Variants in PCDH19 observed in about 807,000 individuals in gnomAD.
The protein encoded by PCDH19 is protocadherin-19.
Under a neutral mutation model 46.2 loss-of-function variants are expected in PCDH19, and 6 were observed. That is an observed-to-expected ratio of 0.13 (90% CI 0.07 to 0.26). PCDH19 has a LOEUF of 0.26. Ranked by LOEUF, PCDH19 falls within the 10% of genes least tolerant of loss-of-function variation. The pLI, the probability that PCDH19 is intolerant of heterozygous loss-of-function variation, is 1.00. For synonymous variants in PCDH19, 481 were observed against 415.7 expected (o/e 1.16, Z -1.91); for missense variants, 740 against 972.3 (o/e 0.76, Z 3.18).
At chrX:100,328,670 G>A (rs955549207) in intron 5 of PCDH19, among the ~76,000 whole-genome samples, 1 of 111,288 alleles carries the variant, frequency 9.0e-6, no homozygotes, top group African/African-American at 3.3e-5. Flanking sequence ...AACATCTGCC[G>A]CCTACTTCAG....
intron 3 of PCDH19, among the ~76,000 whole-genome samples, chrX:100,360,670 CT>C (rs1253430409): frequency 8.9e-6 from 1 of 112,178 alleles, no homozygotes; most frequent in African/African-American, 3.2e-5. Flanking sequence ...TTGCTTAACA[CT>C]GGCAGCCCTC....
At chrX:100,333,798 T>G (rs1223643643) in intron 5 of PCDH19, among the ~76,000 whole-genome samples, 1 of 107,004 alleles carries the variant, frequency 9.3e-6, no homozygotes, top group Non-Finnish European at 1.9e-5. Flanking sequence ...CATTTTTTTT[T>G]TTTTTTTTTA....
intron 3 of PCDH19, among the ~76,000 whole-genome samples, chrX:100,355,519 T>C (rs990806096): frequency 8.9e-6 from 1 of 111,826 alleles, no homozygotes; most frequent in Admixed American, 9.5e-5. Flanking sequence ...ATGCTTTTAC[T>C]CTACTGTGTT....
intron 5 of PCDH19, among the ~76,000 whole-genome samples, chrX:100,317,162 A>T (rs1176524551): frequency 9.0e-6 from 1 of 111,655 alleles, no homozygotes; most frequent in East Asian, 2.8e-4. Context: ...CAGGGTGTGG[A>T]CTGAAGTGGG....
At chrX:100,347,309 C>T (rs1249155617) in intron 4 of PCDH19, among the ~76,000 whole-genome samples, 2 of 111,137 alleles carry the variant, frequency 1.8e-5, no homozygotes, top group African/African-American at 3.3e-5. Flanking sequence ...TGCTCCCTTC[C>T]TCCAGGGTCA....
intron 3 of PCDH19, among the ~76,000 whole-genome samples, chrX:100,396,423 C>A (rs2147528074): frequency 9.0e-6 from 1 of 111,014 alleles, no homozygotes; most frequent in East Asian, 2.9e-4. Flanking sequence ...GTGGAGCCAC[C>A]TGGACCCAAA....
chrX:100,393,465 CT>C (rs1298763984), intron 3 of PCDH19, among the ~76,000 whole-genome samples: 4 of 97,217 alleles, frequency 4.1e-5, no homozygotes, highest in South Asian at 5.1e-4. Flanking sequence ...TCCTTTCCCC[CT>C]CTCCCTCTCC....
rs143506090 is a variant in PCDH19, at chrX:100,349,425, T to G, written c.2675+1221A>C. ...CTGATAATACAAGGGCTACCCATTT[T>G]CAGACAACTAATGATCATCACTTAA... On this transcript the variant is annotated intron_variant, in intron 4 of 5. Transcript: ENST00000373034. Among the ~76,000 whole-genome samples, 333 of 111,968 alleles carry G rather than the reference T, an allele frequency of 3.0e-3. 2 individuals carry two copies. The highest frequency in any genetic ancestry group is 0.01 in the African/African-American group (320 of 30,816).
At chrX:100,322,833 G>GTATATATATATATATATATA (rs60720039) in intron 5 of PCDH19, among the ~76,000 whole-genome samples, 10 of 48,781 alleles carry the variant, frequency 2.0e-4, no homozygotes, top group East Asian at 2.0e-3. Flanking sequence ...ATATTCCTAA[G>GTATATATATATATATATATA]TATATATATA....
intron 3 of PCDH19, among the ~76,000 whole-genome samples, chrX:100,379,912 G>A (rs367636090): frequency 8.9e-6 from 1 of 111,884 alleles, no homozygotes; most frequent in Non-Finnish European, 1.9e-5. Flanking sequence ...GGGGTGGGAG[G>A]TGGCATGGAC....
intron 3 of PCDH19, among the ~76,000 whole-genome samples, chrX:100,374,682 G>A (rs974223597): frequency 8.9e-6 from 1 of 112,172 alleles, no homozygotes; most frequent in Admixed American, 9.5e-5. Flanking sequence ...GCTCACGCCT[G>A]TAATCCCAGC....
intron 3 of PCDH19, among the ~76,000 whole-genome samples, chrX:100,391,837 C>T (rs1927871973): frequency 8.9e-6 from 1 of 111,997 alleles, no homozygotes; most frequent in African/African-American, 3.2e-5. Context: ...GTGATCTCCC[C>T]TACCTCAGAA....
At chrX:100,393,767 G>T (rs1285875915) in intron 3 of PCDH19, among the ~76,000 whole-genome samples, 1 of 111,954 alleles carries the variant, frequency 8.9e-6, no homozygotes, top group Non-Finnish European at 1.9e-5. Flanking sequence ...GCCAGATGGG[G>T]CCCAGTGGGA....
At chrX:100,328,414 G>A (rs945980729) in intron 5 of PCDH19, among the ~76,000 whole-genome samples, 3 of 111,406 alleles carry the variant, frequency 2.7e-5, no homozygotes, top group Admixed American at 9.5e-5. Context: ...ACGTTGAGTG[G>A]GCCCATTTGA....
intron 3 of PCDH19, among the ~76,000 whole-genome samples, chrX:100,358,111 CAGTT>C (rs1265963386): frequency 8.9e-6 from 1 of 112,159 alleles, no homozygotes; most frequent in African/African-American, 3.2e-5. Context: ...TAAGATGACA[CAGTT>C]AGGTGCCTTC....
intron 5 of PCDH19, among the ~76,000 whole-genome samples, chrX:100,308,585 A>G (rs1231541247): frequency 2.7e-5 from 3 of 112,116 alleles, no homozygotes; most frequent in Non-Finnish European, 5.6e-5. Flanking sequence ...AGCAGAATAA[A>G]CAGACAACCC....
intron 5 of PCDH19, among the ~76,000 whole-genome samples, chrX:100,311,149 G>A (rs1013768706): frequency 1.8e-5 from 2 of 111,378 alleles, no homozygotes; most frequent in African/African-American, 6.5e-5. Context: ...CCCAGTCACA[G>A]AGCCTATCAC....
At chrX:100,380,011 A>C (rs753164995) in intron 3 of PCDH19, among the ~76,000 whole-genome samples, 9 of 112,139 alleles carry the variant, frequency 8.0e-5, no homozygotes, top group Admixed American at 2.8e-4. Flanking sequence ...TTCTTTCTTT[A>C]CTTTGAAACA....
At chrX:100,303,416 G>A (rs985545309) in intron 5 of PCDH19, among the ~76,000 whole-genome samples, 5 of 111,817 alleles carry the variant, frequency 4.5e-5, no homozygotes, top group Non-Finnish European at 9.4e-5. Context: ...GGGCTTATTT[G>A]GGTGTTTAGA....
Sources: gnomAD v4.1 joint callset for allele counts (sites outside exome capture counted in the v4.1 genomes callset) on GRCh38, gnomAD v4.1.1 for gene constraint, MANE v1.5 for transcripts, NCBI Gene and HGNC (gene_info 2026-07-23, HGNC 2026-07-21) for gene names.